Variants in ZBTB7C observed in about 807,000 individuals in gnomAD.
The protein encoded by ZBTB7C is zinc finger and BTB domain containing 7C, also known as zinc finger and BTB domain-containing protein 7C.
In ZBTB7C, 8 loss-of-function variants were observed where a neutral mutation model predicts 25.7. The observed-to-expected ratio is 0.31, with a 90% CI of 0.18 to 0.56. The LOEUF (loss-of-function observed/expected upper bound fraction) is 0.56, where lower values mean the gene tolerates loss of function less well. ZBTB7C is among the 20% of genes least tolerant of loss of function. The probability of loss-of-function intolerance (pLI) is 0.91; values close to 1 mark genes in which losing one functional copy is unlikely to be tolerated. For synonymous variants in ZBTB7C, 394 were observed against 369.0 expected (o/e 1.07, Z -0.78); for missense variants, 824 against 855.2 (o/e 0.96, Z 0.46).
chr18:48,281,926 A>G (rs1266577937), intron 2 of ZBTB7C, among the ~76,000 whole-genome samples: 8 of 140,594 alleles, frequency 5.7e-5, no homozygotes, highest in African/African-American at 2.0e-4. Flanking sequence ...ATCTAGAACT[A>G]GAAATAGCAT....
chr18:48,041,238 G>C (rs1334090906), intron 3 of ZBTB7C, 115 bp from the exon 4 acceptor site: 12 of 1,434,560 alleles, frequency 8.4e-6, no homozygotes, highest in Non-Finnish European at 1.1e-5. Context: ...CCACTGCAAG[G>C]CCAGTCCTCC....
chr18:48,206,403 G>A (rs952899543), intron 2 of ZBTB7C, among the ~76,000 whole-genome samples: 20 of 152,084 alleles, frequency 1.3e-4, no homozygotes, highest in South Asian at 1.0e-3. Flanking sequence ...TAAATGTTTC[G>A]CAGCACTTTG....
chr18:48,327,578 C>T (rs1470548827), intron 2 of ZBTB7C, among the ~76,000 whole-genome samples: 1 of 152,144 alleles, frequency 6.6e-6, no homozygotes, highest in Non-Finnish European at 1.5e-5. Flanking sequence ...CCAGCTTTGG[C>T]CCTAGTGCCA....
At chr18:48,144,759 T>C (rs1341507752) in intron 3 of ZBTB7C, among the ~76,000 whole-genome samples, 1 of 152,178 alleles carries the variant, frequency 6.6e-6, no homozygotes, top group African/African-American at 2.4e-5. Context: ...TTGTCTTCAC[T>C]CCCGATTGAG....
chr18:48,274,677 T>A (rs534856853), intron 2 of ZBTB7C, among the ~76,000 whole-genome samples: 2 of 152,336 alleles, frequency 1.3e-5, no homozygotes, highest in South Asian at 4.1e-4. Context: ...TGGAACCAAA[T>A]TCTGCCAAGT....
At chr18:48,409,492 C>T (rs1340076863), upstream of ZBTB7C, 1 of 147,172 alleles carries the variant, frequency 6.8e-6, no homozygotes, top group East Asian at 2.0e-4. Flanking sequence ...CCCCGCGCCC[C>T]GCGCCCCGCG....
intron 3 of ZBTB7C, among the ~76,000 whole-genome samples, chr18:48,057,974 G>C (rs1469886995): frequency 6.6e-6 from 1 of 152,164 alleles, no homozygotes; most frequent in African/African-American, 2.4e-5. Context: ...GGCAAGCTGT[G>C]CATCACAGCT....
At chr18:48,066,745 A>T (rs1192658587) in intron 3 of ZBTB7C, among the ~76,000 whole-genome samples, 1 of 152,160 alleles carries the variant, frequency 6.6e-6, no homozygotes, top group African/African-American at 2.4e-5. Context: ...TCAAGCTCTC[A>T]CTGTGTTGCC....
chr18:48,078,480 C>A (rs937003982), intron 3 of ZBTB7C, among the ~76,000 whole-genome samples: 12 of 152,222 alleles, frequency 7.9e-5, no homozygotes, highest in African/African-American at 2.9e-4. Context: ...ACTCCACCGG[C>A]AGCATCAGGT....
At chr18:48,157,024 C>G (rs1360834786) in intron 3 of ZBTB7C, among the ~76,000 whole-genome samples, 1 of 152,114 alleles carries the variant, frequency 6.6e-6, no homozygotes, top group Non-Finnish European at 1.5e-5. Context: ...AGAATTTTAG[C>G]TGAGAGTGAA....
intron 2 of ZBTB7C, among the ~76,000 whole-genome samples, chr18:48,192,999 C>T (rs1011357691): frequency 2.6e-5 from 4 of 152,280 alleles, no homozygotes; most frequent in East Asian, 1.9e-4. Flanking sequence ...ACACAACGCT[C>T]GGTGCCAATA....
At chr18:48,400,797 G>A (rs1004812) in intron 1 of ZBTB7C, among the ~76,000 whole-genome samples, 17,829 of 152,230 alleles carry the variant, frequency 0.12, 1,976 homozygotes, top group African/African-American at 0.29. Flanking sequence ...TGGCTGCTAG[G>A]AAACTTAAAG....
intron 3 of ZBTB7C, among the ~76,000 whole-genome samples, chr18:48,043,696 G>T (rs1432012083): frequency 6.6e-6 from 1 of 151,950 alleles, no homozygotes; most frequent in Non-Finnish European, 1.5e-5. Context: ...GGTTGATATT[G>T]TACTATGGTT....
At chr18:48,389,232 CTCTCGTGTGTGTGT>C (rs1228216578) in intron 1 of ZBTB7C, among the ~76,000 whole-genome samples, 63 of 61,846 alleles carry the variant, frequency 1.0e-3, no homozygotes, top group Middle Eastern at 7.6e-3. Flanking sequence ...CTCTCTCTCT[CTCTCGTGTGTGTGT>C]GTGTGTGTGT....
At position 48,040,584 on chromosome 18, in the gene ZBTB7C, T is replaced by C; in HGVS notation, c.524A>G (p.Glu175Gly). 1 of 1,613,936 alleles carries C rather than the reference T, an allele frequency of 6.2e-7. No homozygotes were observed. Among genetic ancestry groups the C allele is most frequent in the Non-Finnish European group, 8.5e-7 (1 of 1,179,948 alleles). The change falls in exon 4 of 5, where the codon GAA becomes GGA. Residue 175 changes from glutamate to glycine, a missense_variant. Physicochemically the swap from Glu to Gly is moderately conservative, Grantham distance 98. Coordinates refer to ENST00000590800, the MANE Select transcript of ZBTB7C (RefSeq NM_001318841.2). ...DDDTEDFADQ[E>G]NLPDPQDISC... ...GATGTCCTGGGGGTCAGGCAAGTTT[T>C]CTTGGTCAGCAAAGTCCTCCGTGTC...
At chr18:48,156,142 G>A (rs2040835840) in intron 3 of ZBTB7C, among the ~76,000 whole-genome samples, 1 of 152,168 alleles carries the variant, frequency 6.6e-6, no homozygotes, top group Non-Finnish European at 1.5e-5. Flanking sequence ...ACAGGGCAAG[G>A]TAAACATACA....
chr18:48,260,348 C>T (rs2044136502), intron 2 of ZBTB7C, among the ~76,000 whole-genome samples: 1 of 152,128 alleles, frequency 6.6e-6, no homozygotes, highest in Non-Finnish European at 1.5e-5. Flanking sequence ...CCCCTGGGCA[C>T]TAGGAGTGGG....
intron 1 of ZBTB7C, among the ~76,000 whole-genome samples, chr18:48,339,326 G>T (rs775059732): frequency 1.3e-5 from 2 of 152,352 alleles, no homozygotes; most frequent in East Asian, 3.9e-4. Context: ...AAGAGACCGT[G>T]GCAGACGAAG....
At chr18:48,138,122 A>C (rs1598951983) in intron 3 of ZBTB7C, among the ~76,000 whole-genome samples, 1 of 152,260 alleles carries the variant, frequency 6.6e-6, no homozygotes, top group Non-Finnish European at 1.5e-5. Flanking sequence ...ATAAGCACAA[A>C]ACAAGAGTCC....
Sources: gnomAD v4.1 joint callset for allele counts (sites outside exome capture counted in the v4.1 genomes callset) on GRCh38, gnomAD v4.1.1 for gene constraint, MANE v1.5 for transcripts, NCBI Gene and HGNC (gene_info 2026-07-23, HGNC 2026-07-21) for gene names.